CPLANE1: variants seen among roughly 807,000 people sequenced by gnomAD.
CPLANE1 encodes the protein ciliogenesis and planar polarity effector 1.
In CPLANE1, 263 loss-of-function variants were observed where a neutral mutation model predicts 362.5. The observed-to-expected ratio is 0.73, with a 90% CI of 0.66 to 0.80. CPLANE1 has a LOEUF of 0.80. Among genes scored for constraint, CPLANE1 ranks in the 30% least tolerant of loss-of-function variants. The pLI is 0.00. For missense variants in CPLANE1, 3,461 were observed against 3,793.4 expected, an observed-to-expected ratio of 0.91 and a Z score of 2.30; for synonymous variants, 1,212 against 1,302.6, an observed-to-expected ratio of 0.93 and a Z score of 1.50.
At chr5:37,239,606 AAG>A in intron 7 of CPLANE1, 105 bp downstream of exon 7, 1 of 810,744 alleles carries the variant, frequency 1.2e-6, no homozygotes, top group Non-Finnish European at 1.7e-6. Context: ...AAAAACCAGA[AAG>A]AAAAAAAAAA....
At position 37,107,056 on chromosome 5, in the gene CPLANE1, G is replaced by A. The variant is rs114214548; in HGVS notation, c.*546C>T. 103 of 985,330 alleles carry A rather than the reference G, an allele frequency of 1.0e-4. No individual in the cohort carries two copies. In the African/African-American group the frequency reaches 1.7e-3, roughly 16 times the overall value. 61.0% of individuals were successfully genotyped at this position (985,330 alleles called of 1,614,324 possible). On this transcript the variant is annotated 3_prime_UTR_variant, in exon 53 of 53. Coordinates refer to ENST00000651892, the MANE Select transcript of CPLANE1 (RefSeq NM_001384732.1). ...AGGGCAGAAGACAGAAGATCTCCTG[G>A]CCTCCATGAAACTTTGCTTATTTAG...
intron 8 of CPLANE1, among the ~76,000 whole-genome samples, chr5:37,235,816 C>T (rs1286032272): frequency 6.6e-6 from 1 of 151,618 alleles, no homozygotes; most frequent in African/African-American, 2.4e-5. Context: ...GTGATCCGCC[C>T]ACCTTGGCCT....
chr5:37,231,899 A>G lies in CPLANE1; in HGVS notation c.939-850T>C, dbSNP rs546000822. Among the ~76,000 whole-genome samples the G allele has an allele frequency of 2.6e-5, 4 of 152,294 alleles. No homozygotes were observed. The South Asian group carries it at 8.3e-4, about 32-fold the overall frequency. ...GTAGGTCCTCCTCAGAAAATGACAG[A>G]CACTAAATCAAAAAGACCACTGAAC... On this transcript the variant is annotated intron_variant, in intron 8 of 52. Coordinates refer to ENST00000651892, the MANE Select transcript of CPLANE1 (RefSeq NM_001384732.1).
At chr5:37,087,959 A>G in the CPLANE1 span, among the ~76,000 whole-genome samples, 1 of 152,216 alleles carries the variant, frequency 6.6e-6, no homozygotes, top group Non-Finnish European at 1.5e-5. Flanking sequence ...AGTTGTACGA[A>G]CAAGCCAACC....
chr5:37,143,945 A>T (rs1770600148), intron 43 of CPLANE1, among the ~76,000 whole-genome samples: 1 of 151,834 alleles, frequency 6.6e-6, no homozygotes, highest in Non-Finnish European at 1.5e-5. Context: ...CGAAAAAAAA[A>T]AAAAAAAGAT....
chr5:37,141,373 G>C, intron 44 of CPLANE1: 1 of 985,370 alleles, frequency 1.0e-6, no homozygotes, highest in Middle Eastern at 5.2e-4. Context: ...AAAGCTATCA[G>C]TGACCAAGAA....
the CPLANE1 span, among the ~76,000 whole-genome samples, chr5:37,083,049 A>C: frequency 6.6e-6 from 1 of 152,150 alleles, no homozygotes; most frequent in Non-Finnish European, 1.5e-5. Flanking sequence ...AGACACCCCA[A>C]ATACTGTGCT....
the CPLANE1 span, chr5:37,085,228 G>T: frequency 7.1e-6 from 6 of 844,776 alleles, no homozygotes; most frequent in Admixed American, 5.1e-5. Context: ...GCCCTGACAG[G>T]AGATGAAGTA....
intron 46 of CPLANE1, among the ~76,000 whole-genome samples, chr5:37,129,880 A>G (rs1028846501): frequency 6.6e-6 from 1 of 152,224 alleles, no homozygotes; most frequent in Non-Finnish European, 1.5e-5. Context: ...TGATCCAGCA[A>G]TCCCACTACT....
chr5:37,125,043 T>G, intron 47 of CPLANE1: 1 of 1,341,818 alleles, frequency 7.5e-7, no homozygotes, highest in Non-Finnish European at 9.5e-7. Context: ...TTAAGATAAT[T>G]CAGTATAACT....
chr5:37,205,618 C>T (rs965377538), intron 17 of CPLANE1, among the ~76,000 whole-genome samples, 164 bp from the exon 18 acceptor site: 18 of 152,094 alleles, frequency 1.2e-4, no homozygotes, highest in African/African-American at 4.3e-4. Context: ...TGTATTAAGA[C>T]CCTCCACGAT....
chr5:37,121,192 T>C (rs1047180790), intron 49 of CPLANE1, among the ~76,000 whole-genome samples: 11 of 152,172 alleles, frequency 7.2e-5, no homozygotes, highest in Admixed American at 7.2e-4. Context: ...TGAATGAGCA[T>C]AACTGGGCAG....
intron 2 of CPLANE1, 143 bp from the exon 3 acceptor site, chr5:37,245,988 T>G (rs1452971682): frequency 2.4e-6 from 2 of 819,494 alleles, no homozygotes; most frequent in Admixed American, 6.8e-5. Context: ...AACATTAAGC[T>G]TAATACTCTA....
chr5:37,108,799 C>T (rs1758297595), intron 51 of CPLANE1, among the ~76,000 whole-genome samples: 1 of 152,180 alleles, frequency 6.6e-6, no homozygotes, highest in South Asian at 2.1e-4. Context: ...GAGACCTGGG[C>T]CTTCCCTGTC....
rs369977822 is a variant in CPLANE1 at position 37,173,803 on chromosome 5, C to T, written c.6123G>A (p.Ser2041=). ...NEFTAQLPDC[S]ESVRQMLQDE... ...CTTGCAGCATCTGCCTAACGGACTC[C>T]GAACAATCTGGTAACTGAGCCGTGA... The change falls in exon 32 of 53, where the codon TCG becomes TCA. Residue 2041 remains serine, a synonymous_variant. Coordinates refer to ENST00000651892, the MANE Select transcript of CPLANE1 (RefSeq NM_001384732.1). 1.9e-5 allele frequency: 31 copies of T among 1,614,114 alleles called. No homozygotes were observed. Among genetic ancestry groups the T allele is most frequent in the African/African-American group, 9.3e-5 (7 of 75,010 alleles).
intron 30 of CPLANE1, among the ~76,000 whole-genome samples, chr5:37,177,050 G>C (rs1781375702): frequency 6.6e-6 from 1 of 152,052 alleles, no homozygotes; most frequent in Non-Finnish European, 1.5e-5. Context: ...AAGCCACCAC[G>C]CCTGGCCATG....
At chr5:37,159,710 A>G (rs562729561) in intron 38 of CPLANE1, among the ~76,000 whole-genome samples, 2 of 152,310 alleles carry the variant, frequency 1.3e-5, no homozygotes, top group South Asian at 4.1e-4. Context: ...ACCACTTAAA[A>G]CTAGAAAAAA....
At chr5:37,196,693 G>A (rs180805703) in intron 20 of CPLANE1, among the ~76,000 whole-genome samples, 223 of 152,278 alleles carry the variant, frequency 1.5e-3, no homozygotes, top group Non-Finnish European at 2.7e-3. Context: ...TAGGGAGGCC[G>A]AGGTGGGCAG....
chr5:37,145,123 G>A lies in CPLANE1; in HGVS notation c.8462-2643C>T, dbSNP rs145927497. 5.5e-3 allele frequency among the ~76,000 whole-genome samples: 840 copies of A among 152,198 alleles called. 10 individuals carry two copies. The highest frequency in any genetic ancestry group is 0.019 in the African/African-American group (799 of 41,526). On this transcript the variant is annotated intron_variant, in intron 43 of 52. Coordinates refer to ENST00000651892, the MANE Select transcript of CPLANE1 (RefSeq NM_001384732.1). ...GACTGAGACCATCCTGGCCAACATG[G>A]TGAAACCCCATCTCTACTAAAAATA...
Sources: allele counts gnomAD v4.1 joint callset (sites outside exome capture counted in the v4.1 genomes callset), GRCh38; gene constraint gnomAD v4.1.1; transcripts MANE v1.5; gene names NCBI Gene and HGNC (gene_info 2026-07-23, HGNC 2026-07-21).